FAT1: variants seen among roughly 807,000 people sequenced by gnomAD.
The protein encoded by FAT1 is FAT atypical cadherin 1.
A neutral mutation model predicts 329.8 loss-of-function variants in FAT1; 171 were observed. The observed-to-expected ratio is 0.52, with a 90% CI of 0.46 to 0.59. The LOEUF is 0.59. Among genes scored for constraint, FAT1 ranks in the 20% least tolerant of loss-of-function variants. The probability of loss-of-function intolerance (pLI) is 0.00; values close to 1 mark genes in which losing one functional copy is unlikely to be tolerated. For synonymous variants in FAT1, 2,233 were observed against 2,228.6 expected (o/e 1.00, Z -0.06); for missense variants, 5,672 against 5,774.4 (o/e 0.98, Z 0.57).
chr4:186,681,918 C>G (rs1020603153), intron 2 of FAT1, among the ~76,000 whole-genome samples: 1 of 152,178 alleles, frequency 6.6e-6, no homozygotes, highest in African/African-American at 2.4e-5. Flanking sequence ...CACTTATTTT[C>G]GTTACATTTT....
At chr4:186,657,797 A>G (rs1473886949) in intron 3 of FAT1, among the ~76,000 whole-genome samples, 1 of 152,248 alleles carries the variant, frequency 6.6e-6, no homozygotes, top group South Asian at 2.1e-4. Flanking sequence ...AATTATTAAT[A>G]AATGCCAATT....
At position 186,604,381 on chromosome 4, in the gene FAT1, AC is replaced by A; in HGVS notation, c.10543del (p.Val3515Ter). 6.2e-7 allele frequency: 1 copy of A among 1,612,050 alleles called. No individual in the cohort carries two copies. Among genetic ancestry groups the A allele is most frequent in the Non-Finnish European group, 8.5e-7 (1 of 1,178,924 alleles). On this transcript the variant is annotated frameshift_variant, in exon 18 of 27. Coordinates refer to ENST00000441802, the MANE Select transcript of FAT1 (RefSeq NM_005245.4). LOFTEE classifies it high-confidence loss of function. Reference protein sequence around the residue: ...RKEKDHYLLQVKVADNGKPQL... With the variant: ...RKEKDHYLLQXKVADNGKPQL... Reference sequence around the variant, plus strand: ...CACAAAGAAAGCCATTCATACCTTCACCTGCAGTAAGTAATGATCTTTCTCC... The same window carrying A: ...CACAAAGAAAGCCATTCATACCTTCACTGCAGTAAGTAATGATCTTTCTCC...
At chr4:186,723,346 C>A (rs1330889182) in intron 1 of FAT1, among the ~76,000 whole-genome samples, 3 of 152,198 alleles carry the variant, frequency 2.0e-5, no homozygotes, top group African/African-American at 7.2e-5. Context: ...CCCAGGAGAC[C>A]GCGAGGCCGG....
chr4:186,667,131 C>A (rs1354334701), intron 2 of FAT1, among the ~76,000 whole-genome samples: 1 of 152,164 alleles, frequency 6.6e-6, no homozygotes, highest in Non-Finnish European at 1.5e-5. Flanking sequence ...AGTATATCAC[C>A]CTCACATCTG....
chr4:186,699,909 T>C (rs1390722206), intron 2 of FAT1, among the ~76,000 whole-genome samples: 1 of 152,216 alleles, frequency 6.6e-6, no homozygotes, highest in Non-Finnish European at 1.5e-5. Context: ...CGGTAGGTAA[T>C]ACGGAAAGAA....
rs777489430 is a variant in FAT1, at chr4:186,613,230, C to G, written c.9342G>C (p.Thr3114=). The stretch of plus-strand genomic sequence containing the variant: ...GGGCGTTATCGTTCACATCTTCTAG[C>G]GTGAGCACAATACTGGCTTGGCAGA... ...GRFCQASIVL[T]LEDVNDNAPE... Residue 3114 remains threonine, a synonymous_variant, in exon 13 of 27, where the codon ACG becomes ACC. Transcript: ENST00000441802. 6.2e-7 allele frequency: 1 copy of G among 1,613,838 alleles called. No homozygotes were observed. The highest frequency in any genetic ancestry group is 1.1e-5 in the South Asian group (1 of 91,084).
chr4:186,637,111 G>C (rs1740868914), intron 4 of FAT1, among the ~76,000 whole-genome samples, 197 bp from the exon 5 acceptor site: 1 of 152,248 alleles, frequency 6.6e-6, no homozygotes, highest in South Asian at 2.1e-4. Flanking sequence ...TACAGGGAGA[G>C]AGTCAGGGGG....
At chr4:186,677,631 C>A (rs936219222) in intron 2 of FAT1, among the ~76,000 whole-genome samples, 2 of 152,052 alleles carry the variant, frequency 1.3e-5, no homozygotes, top group Non-Finnish European at 2.9e-5. Flanking sequence ...ACTCAACAAA[C>A]CTCCTACAAT....
intron 1 of FAT1, among the ~76,000 whole-genome samples, chr4:186,715,068 ACT>A (rs950946955): frequency 1.1e-4 from 16 of 144,810 alleles, no homozygotes; most frequent in African/African-American, 4.4e-4. Context: ...ACAGAGCAAG[ACT>A]CTGTCTCAAA....
rs2126692123 is a variant in FAT1, at chr4:186,707,889, C to T, written c.1939G>A (p.Ala647Thr). ...KVSFHSLRIT[A>T]TDGENFATPL... is the part of the protein sequence containing the mutation. ...GTGGCAAAATTTTCTCCATCTGTAG[C>T]TGTGATTCTCAGACTGTGGAAAGAC... Residue 647 changes from alanine (A) to threonine (T), a missense_variant, in exon 2 of 27, where the codon GCT becomes ACT. By Grantham distance (58) the Ala-to-Thr change is moderately conservative (BLOSUM62 0). This residue lies in a region of FAT1 where 3,966 missense variants were observed against 3,915.2 expected (regional missense o/e 1.01). Coordinates refer to ENST00000441802, the MANE Select transcript of FAT1 (RefSeq NM_005245.4). The T allele has an allele frequency of 6.2e-7, 1 of 1,613,914 alleles. No individual in the cohort carries two copies. The highest frequency in any genetic ancestry group is 8.5e-7 in the Non-Finnish European group (1 of 1,179,906).
chr4:186,671,848 TCTTG>T (rs1412563278), intron 2 of FAT1, among the ~76,000 whole-genome samples: 1 of 152,156 alleles, frequency 6.6e-6, no homozygotes, highest in East Asian at 1.9e-4. Context: ...CATTTAATGT[TCTTG>T]CTTCTGCCAT....
In FAT1 at chr4:186,599,906, G is replaced by A. The variant is rs1275719070; in HGVS notation, c.12095C>T (p.Pro4032Leu). Reference sequence around the variant, plus strand: ...AACATTACGGAGCCCACCTCCAGCAGGTGACGGATTGCAAACGCCTCCATT... The same window carrying A: ...AACATTACGGAGCCCACCTCCAGCAAGTGACGGATTGCAAACGCCTCCATT... ...CQNGGVCNPSPAGGYYCKCSA... is the reference protein window; with the variant it reads ...CQNGGVCNPSLAGGYYCKCSA... The change falls in exon 22 of 27, where the codon CCT becomes CTT. Residue 4032 changes from proline (P) to leucine (L), a missense_variant. This residue lies in a region of FAT1 where 1,706 missense variants were observed against 1,859.1 expected (regional missense o/e 0.92). Coordinates refer to ENST00000441802, the MANE Select transcript of FAT1 (RefSeq NM_005245.4). 2 of 1,609,934 alleles carry A rather than the reference G, an allele frequency of 1.2e-6. No homozygotes were observed. The highest frequency in any genetic ancestry group is 1.7e-6 in the Non-Finnish European group (2 of 1,177,200).
At chr4:186,675,915 T>C (rs1742936216) in intron 2 of FAT1, among the ~76,000 whole-genome samples, 2 of 152,176 alleles carry the variant, frequency 1.3e-5, no homozygotes, top group Admixed American at 6.5e-5. Flanking sequence ...CCTGGCTTTA[T>C]TGATTTACAC....
rs751764372 is a variant in FAT1 at position 186,636,740 on chromosome 4, G to A, written c.3817C>T (p.His1273Tyr). The change falls in exon 5 of 27, where the codon CAC becomes TAC. Residue 1273 changes from histidine (H) to tyrosine (Y), a missense_variant. His to Tyr is a moderately conservative substitution (Grantham distance 83). Around this residue, in one of 2 missense-constraint regions of FAT1, gnomAD observed 3,966 missense variants for 3,915.2 expected, o/e 1.01. Transcript: ENST00000441802. The part of the protein sequence containing the change: ...ERNARREPLY[H>Y]VIATDKDEGP... ...TCATCCTTGTCGGTGGCTATGACGT[G>A]ATAGAGCGGCTCCCGTCTGGCATTT... 1.9e-5 allele frequency: 30 copies of A among 1,613,746 alleles called. No homozygotes were observed. Among genetic ancestry groups the A allele is most frequent in the East Asian group, 6.7e-5 (3 of 44,860 alleles).
At position 186,663,582 on chromosome 4, in the gene FAT1, A is replaced by G. The variant is rs1015789328; in HGVS notation, c.3297T>C (p.Arg1099=). ...TTAGCCAATAATGGGAGGTCGATTC[A>G]CGGTCCAGTCGATCTGACGTCTCTA... ...GVIETSDRLD[R]ESTSHYWLTV... is the part of the protein sequence containing the mutation. Residue 1099 remains arginine, a synonymous_variant, in exon 3 of 27, where the codon CGT becomes CGC. Coordinates refer to ENST00000441802, the MANE Select transcript of FAT1 (RefSeq NM_005245.4). The G allele has an allele frequency of 4.3e-6, 7 of 1,610,758 alleles. 1 individual carries two copies. The Admixed American group carries it at 1.2e-4, about 27-fold the overall frequency.
At chr4:186,605,983 C>T (rs900816968) in intron 17 of FAT1, 87 bp downstream of exon 17, 1 of 1,271,410 alleles carries the variant, frequency 7.9e-7, no homozygotes, top group Non-Finnish European at 1.1e-6. Flanking sequence ...TAGAAAGAAA[C>T]CTTTGGATAA....
rs2126571443 is a variant in FAT1, at chr4:186,639,771, G to C, written c.3593C>G (p.Thr1198Ser). 1 of 1,612,544 alleles carries C rather than the reference G, an allele frequency of 6.2e-7. No individual in the cohort carries two copies. The highest frequency in any genetic ancestry group is 8.5e-7 in the Non-Finnish European group (1 of 1,178,970). The change falls in exon 4 of 27, where the codon ACT (threonine) becomes AGT (serine). Residue 1198 changes from threonine to serine, a missense_variant. This residue lies in a region of FAT1 where 3,966 missense variants were observed against 3,915.2 expected (regional missense o/e 1.01). Coordinates refer to ENST00000441802, the MANE Select transcript of FAT1 (RefSeq NM_005245.4). ...TTCTCGGTCTAGCTTCCTTGACGTAGTTGTGATGAGACCTGTAAAATGATA... is the reference window on the plus strand; with the variant it reads ...TTCTCGGTCTAGCTTCCTTGACGTACTTGTGATGAGACCTGTAAAATGATA... ...SIHPKTGLIT[T>S]TSRKLDREQQ...
Position 186,603,293 on chromosome 4 carries a change from A to C in FAT1, c.11233T>G (p.Trp3745Gly). 2 of 1,613,942 alleles carry C rather than the reference A, an allele frequency of 1.2e-6. No homozygotes were observed. Among genetic ancestry groups the C allele is most frequent in the South Asian group, 1.1e-5 (1 of 91,082 alleles). Residue 3745 changes from tryptophan to glycine, a missense_variant, in exon 19 of 27, where the codon TGG becomes GGG. Physicochemically the swap from Trp to Gly is radical, Grantham distance 184 (BLOSUM62 -2). Transcript: ENST00000441802. ...QKLCAGLDCP[W>G]KFCDEKVSVD... ...GACACCTTTTCATCGCAGAACTTCCAGGGGCAGTCCAGTCCCGCGCAGAGT... is the reference window on the plus strand; with the variant it reads ...GACACCTTTTCATCGCAGAACTTCCCGGGGCAGTCCAGTCCCGCGCAGAGT...
intron 14 of FAT1, among the ~76,000 whole-genome samples, chr4:186,611,050 T>C (rs1739421017): frequency 6.6e-6 from 1 of 152,184 alleles, no homozygotes; most frequent in Non-Finnish European, 1.5e-5. Flanking sequence ...TCTGATTACA[T>C]AAGGACCTCT....
Sources: allele counts gnomAD v4.1 joint callset (sites outside exome capture counted in the v4.1 genomes callset), GRCh38; gene constraint gnomAD v4.1.1; regional missense constraint gnomAD v4.1.1; transcripts MANE v1.5; gene names NCBI Gene and HGNC (gene_info 2026-07-23, HGNC 2026-07-21).